CSTF1: variants seen among roughly 807,000 people sequenced by gnomAD.
CSTF1 encodes cleavage stimulation factor subunit 1.
A neutral mutation model predicts 40.9 loss-of-function variants in CSTF1; 2 were observed. The ratio of observed to expected loss-of-function variants is 0.05; its 90% CI spans 0.02 to 0.15. CSTF1 has a LOEUF of 0.15. Ranked by LOEUF, CSTF1 falls within the 10% of genes least tolerant of loss-of-function variation. The pLI, the probability that CSTF1 is intolerant of heterozygous loss-of-function variation, is 1.00. For missense variants in CSTF1, 279 were observed against 558.9 expected (o/e 0.50, Z 5.05); for synonymous variants, 218 against 207.2 (o/e 1.05, Z -0.45).
At position 56,399,123 on chromosome 20, in the gene CSTF1, G is replaced by A. The variant is rs749340913; in HGVS notation, c.802G>A (p.Val268Ile). The change falls in exon 5 of 6, where the codon GTT becomes ATT. Residue 268 changes from valine to isoleucine, a missense_variant. Coordinates refer to ENST00000217109, the MANE Select transcript of CSTF1 (RefSeq NM_001324.3). The surrounding 1 kb of genome is among the most constrained non-coding windows in gnomAD (Gnocchi z 4.6). ...TCAACACACCGATGCTATATGTTCC[G>A]TTAATTACAATTCTAGTGCCAATAT... The part of the protein sequence containing the change: ...QDQHTDAICS[V>I]NYNSSANMYV... 14 of 1,614,044 alleles carry A rather than the reference G, an allele frequency of 8.7e-6. No individual in the cohort carries two copies. Among genetic ancestry groups the A allele is most frequent in the South Asian group, 3.3e-5 (3 of 91,092 alleles).
chr20:56,394,932 C>T (rs906856926), intron 1 of CSTF1, among the ~76,000 whole-genome samples: 2 of 151,952 alleles, frequency 1.3e-5, no homozygotes, highest in Admixed American at 1.3e-4. Context: ...ACGCATTTAA[C>T]TCGGTTGGAG....
intron 5 of CSTF1, among the ~76,000 whole-genome samples, chr20:56,402,256 G>A (rs1030198692): frequency 2.7e-5 from 4 of 149,304 alleles, no homozygotes; most frequent in East Asian, 2.0e-4. Flanking sequence ...GCAGTGAGCC[G>A]AGATCACACC....
At chr20:56,402,351 C>G (rs559471997) in intron 5 of CSTF1, among the ~76,000 whole-genome samples, 1 of 151,646 alleles carries the variant, frequency 6.6e-6, no homozygotes, top group Non-Finnish European at 1.5e-5. Context: ...GCACATAACA[C>G]TTAGATATTT....
In CSTF1 at chr20:56,403,947, T is replaced by C. The variant is rs1264882366; in HGVS notation, c.*220T>C. 4 of 503,008 alleles carry C rather than the reference T, an allele frequency of 8.0e-6. No individual in the cohort carries two copies. The highest frequency in any genetic ancestry group is 1.9e-5 in the African/African-American group (1 of 52,892). The allele number at this position is 503,008 out of a possible 1,614,324, so 31.2% of individuals were successfully genotyped here. On this transcript the variant is annotated 3_prime_UTR_variant, in exon 6 of 6. Coordinates refer to ENST00000217109, the MANE Select transcript of CSTF1 (RefSeq NM_001324.3). ...ATCTGTGCAGTTCTACATTCACTGA[T>C]TATTACAGTGTGATTTTCATCGGTT...
rs1211835212 is a variant in CSTF1 at position 56,395,648 on chromosome 20, T to C, written c.96T>C (p.Asn32=). The change falls in exon 2 of 6, where the codon AAT becomes AAC. Residue 32 remains asparagine (N), a synonymous_variant. Coordinates refer to ENST00000217109, the MANE Select transcript of CSTF1 (RefSeq NM_001324.3). ...LLYDGYISIA[N]GLINEIKPQS... is the part of the protein sequence containing the mutation. ...ATGACGGCTACATCAGCATCGCCAA[T>C]GGCCTCATCAATGAAATCAAGCCTC... 3 of 1,614,078 alleles carry C rather than the reference T, an allele frequency of 1.9e-6. No homozygotes were observed. Among genetic ancestry groups the C allele is most frequent in the Non-Finnish European group, 2.5e-6 (3 of 1,180,038 alleles).
At chr20:56,393,125 T>G (rs1227887066) in intron 1 of CSTF1, among the ~76,000 whole-genome samples, 1 of 132,778 alleles carries the variant, frequency 7.5e-6, no homozygotes, top group Non-Finnish European at 1.6e-5. Context: ...AAAATATATA[T>G]ATATATACAC....
At position 56,404,371 on chromosome 20, in the gene CSTF1, C is replaced by A. The variant is rs1174023910; in HGVS notation, c.*644C>A. On this transcript the variant is annotated 3_prime_UTR_variant, in exon 6 of 6. Transcript: ENST00000217109. Reference sequence around the variant, plus strand: ...ACATTATCCTTCAATATCTGCAATACTTGTCTTTAGTAACTGTATTTCTGG... The same window carrying A: ...ACATTATCCTTCAATATCTGCAATAATTGTCTTTAGTAACTGTATTTCTGG... 6.6e-6 allele frequency: 1 copy of A among 152,180 alleles called. No homozygotes were observed. Among genetic ancestry groups the A allele is most frequent in the Non-Finnish European group, 1.5e-5 (1 of 68,038 alleles). 9.4% of individuals were successfully genotyped at this position (152,180 alleles called of 1,614,324 possible). A position where few individuals can be genotyped will look rare whatever the true frequency, so the allele number is the denominator to read the frequency against.
chr20:56,401,275 A>T (rs1978438727), intron 5 of CSTF1, among the ~76,000 whole-genome samples: 1 of 152,176 alleles, frequency 6.6e-6, no homozygotes, highest in Non-Finnish European at 1.5e-5. Context: ...CTCGAGAAAA[A>T]AGGAGCCAAA....
Position 56,403,736 on chromosome 20 carries a change from C to T in CSTF1, c.*9C>T. On this transcript the variant is annotated 3_prime_UTR_variant, in exon 6 of 6. Coordinates refer to ENST00000217109, the MANE Select transcript of CSTF1 (RefSeq NM_001324.3). ...GATCGACCACTGACTGAGCCACCCT[C>T]TCCGTAGGGTTCTTTCTCGAGGACT... 2 of 1,607,306 alleles carry T rather than the reference C, an allele frequency of 1.2e-6. No individual in the cohort carries two copies. Among genetic ancestry groups the T allele is most frequent in the Non-Finnish European group, 1.7e-6 (2 of 1,174,480 alleles).
chr20:56,394,414 C>T (rs1038585827), intron 1 of CSTF1, among the ~76,000 whole-genome samples: 5 of 152,160 alleles, frequency 3.3e-5, no homozygotes, highest in African/African-American at 1.2e-4. Flanking sequence ...TGGTGAAACC[C>T]CGTCTCTACT....
rs1390251453 is a variant in CSTF1, at chr20:56,404,878, G to GATGGTCTC, written c.*1152_*1159dup. 6 of 136,346 alleles carry GATGGTCTC rather than the reference G, an allele frequency of 4.4e-5. No homozygotes were observed. Among genetic ancestry groups the GATGGTCTC allele is most frequent in the Non-Finnish European group, 9.1e-5 (6 of 65,682 alleles). 8.4% of individuals were successfully genotyped at this position (136,346 alleles called of 1,614,324 possible). Reference sequence around the variant, plus strand: ...GCCAGGGTTTCACCATGTTAGCCAGGATGGTCTCTATCTCCTGACCTCGTG... The same window carrying GATGGTCTC: ...GCCAGGGTTTCACCATGTTAGCCAGGATGGTCTCATGGTCTCTATCTCCTGACCTCGTG... On this transcript the variant is annotated 3_prime_UTR_variant, in exon 6 of 6. Coordinates refer to ENST00000217109, the MANE Select transcript of CSTF1 (RefSeq NM_001324.3).
At position 56,394,848 on chromosome 20, in the gene CSTF1, T is replaced by G. The variant is rs867943331; in HGVS notation, c.-32-673T>G. Among the ~76,000 whole-genome samples the G allele has an allele frequency of 0.05, 54 of 1,088 alleles. No individual in the cohort carries two copies. The Middle Eastern group carries it at 0.5, about 10-fold the overall frequency. The allele number at this position is 1,088 out of a possible 152,430, so 0.7% of individuals were successfully genotyped here. A position where few individuals can be genotyped will look rare whatever the true frequency, so the allele number is the denominator to read the frequency against. On this transcript the variant is annotated intron_variant, in intron 1 of 5. Transcript: ENST00000217109. ...CACAATCCTTCCCGATTATTACTGTTTTTTTTTTCATTTTTATTGTTTTGA... is the reference window on the plus strand; with the variant it reads ...CACAATCCTTCCCGATTATTACTGTGTTTTTTTTCATTTTTATTGTTTTGA...
chr20:56,406,116 TG>T lies in CSTF1; in HGVS notation c.*2390del, dbSNP rs1229561380. On this transcript the variant is annotated 3_prime_UTR_variant, in exon 6 of 6. Coordinates refer to ENST00000217109, the MANE Select transcript of CSTF1 (RefSeq NM_001324.3). ...GCTGTTTTTTCATTTTTTGTGGGTT[TG>T]TTTTTTTTGTGTTTGTTTGGTTGGT... is the stretch of plus-strand genomic sequence containing the variant. The T allele has an allele frequency of 5.3e-5, 6 of 113,896 alleles. No individual in the cohort carries two copies. The highest frequency in any genetic ancestry group is 2.3e-4 in the African/African-American group (3 of 13,222). 7.1% of individuals were successfully genotyped at this position (113,896 alleles called of 1,614,324 possible).
At position 56,404,962 on chromosome 20, in the gene CSTF1, G is replaced by C. The variant is rs1405478646; in HGVS notation, c.*1235G>C. The C allele has an allele frequency of 6.6e-6, 1 of 151,586 alleles. No homozygotes were observed. The highest frequency in any genetic ancestry group is 6.6e-5 in the Admixed American group (1 of 15,172). The allele number at this position is 151,586 out of a possible 1,614,324, so 9.4% of individuals were successfully genotyped here. A position where few individuals can be genotyped will look rare whatever the true frequency, so the allele number is the denominator to read the frequency against. On this transcript the variant is annotated 3_prime_UTR_variant, in exon 6 of 6. Transcript: ENST00000217109. ...TTACAGGCGTGAGCCACCGCGCCCA[G>C]CCTTCCTGAAGCTTTTTAGAACATG...
chr20:56,394,518 C>G (rs1352312977), intron 1 of CSTF1, among the ~76,000 whole-genome samples: 1 of 152,168 alleles, frequency 6.6e-6, no homozygotes, highest in Non-Finnish European at 1.5e-5. Context: ...ACCCAGGAGG[C>G]GGAGGTTGCA....
rs1310902517 is a variant in CSTF1 at position 56,406,088 on chromosome 20, G to C, written c.*2361G>C. 6.6e-6 allele frequency: 1 copy of C among 151,126 alleles called. No homozygotes were observed. Among genetic ancestry groups the C allele is most frequent in the Admixed American group, 6.6e-5 (1 of 15,218 alleles). 9.4% of individuals were successfully genotyped at this position (151,126 alleles called of 1,614,324 possible). ...CAAGATACTTTTATGTGTTTCAGAA[G>C]TAGCTGTTTTTTCATTTTTTGTGGG... On this transcript the variant is annotated 3_prime_UTR_variant, in exon 6 of 6. Coordinates refer to ENST00000217109, the MANE Select transcript of CSTF1 (RefSeq NM_001324.3).
Position 56,404,808 on chromosome 20 carries a change from G to A in CSTF1, c.*1081G>A, listed in dbSNP as rs1600734440. The A allele has an allele frequency of 2.3e-5, 2 of 86,746 alleles. No homozygotes were observed. Among genetic ancestry groups the A allele is most frequent in the Middle Eastern group, 0.01 (2 of 192 alleles). 5.4% of individuals were successfully genotyped at this position (86,746 alleles called of 1,614,324 possible). On this transcript the variant is annotated 3_prime_UTR_variant, in exon 6 of 6. Transcript: ENST00000217109. Reference sequence around the variant, plus strand: ...CTACAGGCACCCACCACCACGCCCGGCTAATTTTTTTTTTTTTTTTTTTTT... The same window carrying A: ...CTACAGGCACCCACCACCACGCCCGACTAATTTTTTTTTTTTTTTTTTTTT...
chr20:56,401,616 A>G (rs1300067722), intron 5 of CSTF1, among the ~76,000 whole-genome samples: 1 of 152,210 alleles, frequency 6.6e-6, no homozygotes, highest in Non-Finnish European at 1.5e-5. Context: ...GTGTGTCCCA[A>G]CATCATTTGG....
chr20:56,402,770 A>G (rs890331302), intron 5 of CSTF1, among the ~76,000 whole-genome samples: 1 of 151,752 alleles, frequency 6.6e-6, no homozygotes, highest in Non-Finnish European at 1.5e-5. Flanking sequence ...CCCTGTCTTT[A>G]CTAAAAATAC....
Sources: gnomAD v4.1 joint callset for allele counts (sites outside exome capture counted in the v4.1 genomes callset) on GRCh38, gnomAD v4.1.1 for gene constraint, Gnocchi (gnomAD v3.1) non-coding constraint, MANE v1.5 for transcripts, NCBI Gene and HGNC (gene_info 2026-07-23, HGNC 2026-07-21) for gene names.